TMEM120A: variants seen among roughly 807,000 people sequenced by gnomAD.
The protein encoded by TMEM120A is ion channel TACAN.
TMEM120A carries 45 observed loss-of-function variants against 54.3 expected under a neutral mutation model. That is an observed-to-expected ratio of 0.83 (90% CI 0.65 to 1.06). The LOEUF (loss-of-function observed/expected upper bound fraction) is 1.06, where lower values mean the gene tolerates loss of function less well. TMEM120A is among the 50% of genes least tolerant of loss of function. The pLI is 0.00. For missense variants in TMEM120A, 424 were observed against 441.7 expected, an observed-to-expected ratio of 0.96 and a Z score of 0.36; for synonymous variants, 204 against 178.5, an observed-to-expected ratio of 1.14 and a Z score of -1.14.
chr7:75,989,708 T>C (rs1789761301), intron 3 of TMEM120A, among the ~76,000 whole-genome samples: 1 of 151,946 alleles, frequency 6.6e-6, no homozygotes, highest in Non-Finnish European at 1.5e-5. Flanking sequence ...GAGCTCTGAC[T>C]GTGGGCTGAC....
intron 3 of TMEM120A, 97 bp from the exon 4 acceptor site, chr7:75,989,321 C>G: frequency 1.2e-6 from 1 of 818,376 alleles, no homozygotes; most frequent in Non-Finnish European, 2.1e-6. Context: ...GGCCACCACC[C>G]CACCCCCTCA....
At chr7:75,992,360 G>A (rs782677807) in intron 2 of TMEM120A, 79 bp downstream of exon 2, 60 of 1,554,312 alleles carry the variant, frequency 3.9e-5, no homozygotes, top group Non-Finnish European at 5.0e-5. Flanking sequence ...GAGAGGGGAG[G>A]GGCGGTGCCC....
Position 75,992,073 on chromosome 7 carries a change from C to G in TMEM120A, c.317+71G>C, listed in dbSNP as rs986832062. The G allele has an allele frequency of 1.5e-5, 17 of 1,129,706 alleles. No individual in the cohort carries two copies. In the East Asian group the frequency reaches 4.1e-4, roughly 27 times the overall value. The allele number at this position is 1,129,706 out of a possible 1,614,324, so 70.0% of individuals were successfully genotyped here. On this transcript the variant is annotated intron_variant, in intron 3 of 11. Transcript: ENST00000493111. ...AGGGAACATTTGCTGACTATAATGA[C>G]CAAGAGGAGGCAGCACCCGGCTTCA... is the stretch of plus-strand genomic sequence containing the variant.
At chr7:75,991,665 A>C (rs1480044115) in intron 3 of TMEM120A, among the ~76,000 whole-genome samples, 1 of 152,114 alleles carries the variant, frequency 6.6e-6, no homozygotes, top group Non-Finnish European at 1.5e-5. Flanking sequence ...CTTCCCAAAA[A>C]AGTGCTGGGA....
In TMEM120A at chr7:75,987,912, G is replaced by T. The variant is rs369146634; in HGVS notation, c.691+11C>A. On this transcript the variant is annotated intron_variant, in intron 8 of 11. Coordinates refer to ENST00000493111, the MANE Select transcript of TMEM120A (RefSeq NM_031925.3). ...CCTCCAGGGCTCAGCACAGACATCT[G>T]GGACACTCACTCTGGTACATGGAAA... is the stretch of plus-strand genomic sequence containing the variant. 7 of 1,602,412 alleles carry T rather than the reference G, an allele frequency of 4.4e-6. No homozygotes were observed. The African/African-American group carries it at 9.4e-5, about 21-fold the overall frequency.
rs562150553 is a variant in TMEM120A, at chr7:75,987,038, C to T, written c.*134G>A. The T allele has an allele frequency of 2.8e-4, 209 of 748,886 alleles. No homozygotes were observed. Among genetic ancestry groups the T allele is most frequent in the Admixed American group, 9.6e-4 (36 of 37,678 alleles). 46.4% of individuals were successfully genotyped at this position (748,886 alleles called of 1,614,324 possible). On this transcript the variant is annotated 3_prime_UTR_variant, in exon 12 of 12. Transcript: ENST00000493111. ...ACTGGGCCCAGGTCTTCCTTCAGGG[C>T]CCACAGCGCCCATAAAACCCAAGGG...
chr7:75,989,059 T>G (rs1585142851), intron 4 of TMEM120A, 106 bp downstream of exon 4: 6 of 77,870 alleles, frequency 7.7e-5, no homozygotes, highest in South Asian at 1.6e-4. Context: ...GAAGGCCGGG[T>G]TCCGGGGGAA....
intron 3 of TMEM120A, 149 bp from the exon 4 acceptor site, chr7:75,989,373 T>C: frequency 1.5e-6 from 1 of 654,014 alleles, no homozygotes; most frequent in Non-Finnish European, 2.8e-6. Flanking sequence ...GTTCTGACCT[T>C]GGAGGCTGCA....
chr7:75,992,136 G>A lies in TMEM120A; in HGVS notation c.317+8C>T, dbSNP rs374675949. 2.8e-5 allele frequency: 45 copies of A among 1,578,972 alleles called. No individual in the cohort carries two copies. Among genetic ancestry groups the A allele is most frequent in the Non-Finnish European group, 3.6e-5 (42 of 1,158,348 alleles). ...AACTGAGCTGGGGGTGGCGGTGGGG[G>A]CCCTCACCCATTCTTCTTAGGCAAA... On this transcript the variant is annotated splice_region_variant and intron_variant, in intron 3 of 11. Transcript: ENST00000493111.
chr7:75,987,593 T>C lies in TMEM120A; in HGVS notation c.794A>G (p.Gln265Arg). 6.2e-7 allele frequency: 1 copy of C among 1,608,964 alleles called. No individual in the cohort carries two copies. The highest frequency in any genetic ancestry group is 1.1e-5 in the South Asian group (1 of 90,354). Residue 265 changes from glutamine to arginine, a missense_variant, in exon 10 of 12, where the codon CAG (glutamine) becomes CGG (arginine). Coordinates refer to ENST00000493111, the MANE Select transcript of TMEM120A (RefSeq NM_031925.3). ...GGTGAGGCCCCGCCACATCCAGGAC[T>C]GGAAGCCCTCTGCGGGGAGGAAGGT... ...HTMDLTVEGF[Q>R]SWMWRGLTFL...
chr7:75,994,434 C>T, intron 1 of TMEM120A, 56 bp downstream of exon 1: 1 of 1,502,438 alleles, frequency 6.7e-7, no homozygotes, highest in Non-Finnish European at 9.1e-7. Context: ...CGACCCTTGA[C>T]CCTGAGCCAG....
chr7:75,991,685 T>A lies in TMEM120A; in HGVS notation c.317+459A>T, dbSNP rs1207272339. Among the ~76,000 whole-genome samples the A allele has an allele frequency of 2.0e-5, 3 of 152,150 alleles. No homozygotes were observed. In the East Asian group the frequency reaches 5.8e-4, roughly 29 times the overall value. On this transcript the variant is annotated intron_variant, in intron 3 of 11. Coordinates refer to ENST00000493111, the MANE Select transcript of TMEM120A (RefSeq NM_031925.3). Reference sequence around the variant, plus strand: ...CAAAAAAGTGCTGGGATTACAGGCATGAGCCACCGCGCCCAGCCTATTTGT... The same window carrying A: ...CAAAAAAGTGCTGGGATTACAGGCAAGAGCCACCGCGCCCAGCCTATTTGT...
rs1554562058 is a variant in TMEM120A, at chr7:75,992,430, G to A, written c.200+9C>T. On this transcript the variant is annotated intron_variant, in intron 2 of 11. Transcript: ENST00000493111. The stretch of plus-strand genomic sequence containing the variant: ...TCTGCCCATGGCGGGTGGGGTAGGG[G>A]ATCCTAACTTCTTCAGGGCGAGGGC... 25 of 1,587,752 alleles carry A rather than the reference G, an allele frequency of 1.6e-5. No homozygotes were observed. Among genetic ancestry groups the A allele is most frequent in the Non-Finnish European group, 2.1e-5 (24 of 1,167,024 alleles).
chr7:75,989,278 G>T, intron 3 of TMEM120A, 54 bp from the exon 4 acceptor site: 1 of 1,210,392 alleles, frequency 8.3e-7, no homozygotes, highest in Non-Finnish European at 1.2e-6. Flanking sequence ...ACAAGCCACC[G>T]GTACTCAGCC....
In TMEM120A at chr7:75,992,496, G is replaced by T; in HGVS notation, c.143C>A (p.Thr48Asn). Residue 48 changes from threonine to asparagine, a missense_variant, in exon 2 of 12, where the codon ACC becomes AAC. Transcript: ENST00000493111. ...EELTKLQNNC[T>N]SSITRQKKRL... Reference sequence around the variant, plus strand: ...CTTCTTCTGCCGCGTGATGGAGCTGGTGCAATTGTTCTGAAGTTTGGTCAG... The same window carrying T: ...CTTCTTCTGCCGCGTGATGGAGCTGTTGCAATTGTTCTGAAGTTTGGTCAG... 6.3e-7 allele frequency: 1 copy of T among 1,597,538 alleles called. No homozygotes were observed. Among genetic ancestry groups the T allele is most frequent in the Non-Finnish European group, 8.5e-7 (1 of 1,172,420 alleles).
chr7:75,989,125 G>GAGGTTGAGGGGGGGAGGGGTGT, intron 4 of TMEM120A, 40 bp downstream of exon 4: 1 of 714,354 alleles, frequency 1.4e-6, no homozygotes, highest in African/African-American at 2.2e-5. Context: ...GCTAGGGGTG[G>GAGGTTGAGGGGGGGAGGGGTGT]AGGGGTGGAG....
In TMEM120A at chr7:75,987,578, C is replaced by A. The variant is rs782205246; in HGVS notation, c.809G>T (p.Arg270Leu). The change falls in exon 10 of 12, where the codon CGG (arginine) becomes CTG (leucine). Residue 270 changes from arginine (R) to leucine (L), a missense_variant. Coordinates refer to ENST00000493111, the MANE Select transcript of TMEM120A (RefSeq NM_031925.3). ...AAAAGGCAGCAGGAAGGTGAGGCCCCGCCACATCCAGGACTGGAAGCCCTC... is the reference window on the plus strand; with the variant it reads ...AAAAGGCAGCAGGAAGGTGAGGCCCAGCCACATCCAGGACTGGAAGCCCTC... The part of the protein sequence containing the change: ...TVEGFQSWMW[R>L]GLTFLLPFLF... 1 of 1,607,542 alleles carries A rather than the reference C, an allele frequency of 6.2e-7. No homozygotes were observed. The highest frequency in any genetic ancestry group is 1.1e-5 in the South Asian group (1 of 90,156).
In TMEM120A at chr7:75,994,484, G is replaced by A. The variant is rs781831853; in HGVS notation, c.81+6C>T. ...GGGGCGACCCGGCGTCCGCAGCGGC[G>A]CTAACCTGGATGTTCTGGAAGTCCT... On this transcript the variant is annotated splice_donor_region_variant and intron_variant, in intron 1 of 11. Coordinates refer to ENST00000493111, the MANE Select transcript of TMEM120A (RefSeq NM_031925.3). 1 of 1,560,094 alleles carries A rather than the reference G, an allele frequency of 6.4e-7. No individual in the cohort carries two copies. Among genetic ancestry groups the A allele is most frequent in the Non-Finnish European group, 8.7e-7 (1 of 1,153,136 alleles).
chr7:75,992,077 G>A, intron 3 of TMEM120A, 67 bp downstream of exon 3: 1 of 1,156,112 alleles, frequency 8.6e-7, no homozygotes, highest in Non-Finnish European at 1.3e-6. Context: ...TAATGACCAA[G>A]AGGAGGCAGC....
Sources: gnomAD v4.1 joint callset for allele counts (sites outside exome capture counted in the v4.1 genomes callset) on GRCh38, gnomAD v4.1.1 for gene constraint, MANE v1.5 for transcripts, NCBI Gene and HGNC (gene_info 2026-07-23, HGNC 2026-07-21) for gene names.